The following PCDHA6 variants were observed in gnomAD, a reference collection of about 807,000 sequenced individuals.
PCDHA6 encodes protocadherin alpha-6.
Under a neutral mutation model 60.3 loss-of-function variants are expected in PCDHA6, and 55 were observed. The ratio of observed to expected loss-of-function variants is 0.91; its 90% CI spans 0.73 to 1.14. The LOEUF is 1.14. Ranked by LOEUF, PCDHA6 falls within the 50% of genes most tolerant of loss-of-function variation. PCDHA6 has a pLI of 0.00. For missense variants in PCDHA6, 1,327 were observed against 1,256.5 expected, an observed-to-expected ratio of 1.06 and a Z score of -0.85; for synonymous variants, 652 against 557.9, an observed-to-expected ratio of 1.17 and a Z score of -2.38.
rs1382100762 is a variant in PCDHA6 at position 140,828,610 on chromosome 5, T to G, written c.519T>G (p.Ser173Arg). The G allele has an allele frequency of 6.2e-7, 1 of 1,614,226 alleles. No homozygotes were observed. The highest frequency in any genetic ancestry group is 2.2e-5 in the East Asian group (1 of 44,888). Residue 173 changes from serine (S) to arginine (R), a missense_variant, in exon 1 of 4, where the codon AGT becomes AGG. Ser to Arg is a moderately radical substitution (Grantham distance 110, BLOSUM62 -1). Transcript: ENST00000529310. ...ATTCCATCTTAACCTATAAACTCAG[T>G]TCTAGCGAATACTTCGGGCTAGATG... Reference protein sequence around the residue: ...GSNSILTYKLSSSEYFGLDVK... With the variant: ...GSNSILTYKLRSSEYFGLDVK...
At chr5:140,866,070 T>C (rs1446078370) in intron 1 of PCDHA6, 1 of 152,178 alleles carries the variant, frequency 6.6e-6, no homozygotes, top group Non-Finnish European at 1.5e-5. Flanking sequence ...CACACTGAGA[T>C]AGGTATTTTG....
chr5:140,850,048 A>G (rs1554143688), intron 1 of PCDHA6: 1 of 1,596,376 alleles, frequency 6.3e-7, no homozygotes, highest in Admixed American at 1.7e-5. Flanking sequence ...GGCAAGGTGT[A>G]CGCGCTGCAG....
At position 140,849,698 on chromosome 5, in the gene PCDHA6, C is replaced by A. The variant is rs2150445577; in HGVS notation, c.2394+19213C>A. 5 of 1,598,548 alleles carry A rather than the reference C, an allele frequency of 3.1e-6. No individual in the cohort carries two copies. The East Asian group carries it at 1.1e-4, about 36-fold the overall frequency. ...TCCCCTTCAAGCTGGTGTCCACCTA[C>A]AAGAATTACTACTCGTTGGTGCTGG... On this transcript the variant is annotated intron_variant, in intron 1 of 3. Coordinates refer to ENST00000529310, the MANE Select transcript of PCDHA6 (RefSeq NM_018909.4).
chr5:140,929,461 C>A, intron 1 of PCDHA6: 1 of 1,314,566 alleles, frequency 7.6e-7, no homozygotes, highest in Non-Finnish European at 1.0e-6. Context: ...CTTCCTGTGC[C>A]AAGAAATCTG....
chr5:140,874,622 A>G (rs554375384), intron 1 of PCDHA6, among the ~76,000 whole-genome samples: 5 of 152,374 alleles, frequency 3.3e-5, no homozygotes, highest in Non-Finnish European at 7.3e-5. Flanking sequence ...TAAACATTTT[A>G]CATTAAAGTG....
intron 1 of PCDHA6, among the ~76,000 whole-genome samples, chr5:140,912,634 G>A (rs1435924500): frequency 6.6e-6 from 1 of 152,016 alleles, no homozygotes; most frequent in African/African-American, 2.4e-5. Context: ...GAGACTTTCA[G>A]TACTATGTTG....
intron 2 of PCDHA6, 165 bp downstream of exon 2, chr5:140,979,172 G>A (rs1406119348): frequency 2.1e-6 from 2 of 959,890 alleles, no homozygotes; most frequent in Admixed American, 1.2e-4. Context: ...TTGAAAGATC[G>A]CAAATGGTCA....
In PCDHA6 at chr5:140,830,429, C is replaced by T. The variant is rs2150186384; in HGVS notation, c.2338C>T (p.Pro780Ser). The T allele has an allele frequency of 6.2e-7, 1 of 1,613,784 alleles. No individual in the cohort carries two copies. Among genetic ancestry groups the T allele is most frequent in the African/African-American group, 1.3e-5 (1 of 75,032 alleles). ...MAFSPSLSPC[P>S]IMMGKAENQD... Reference sequence around the variant, plus strand: ...CTTTAGCCCCAGCCTTTCACCTTGTCCTATTATGATGGGTAAGGCGGAGAA... The same window carrying T: ...CTTTAGCCCCAGCCTTTCACCTTGTTCTATTATGATGGGTAAGGCGGAGAA... The change falls in exon 1 of 4, where the codon CCT (proline) becomes TCT (serine). Residue 780 changes from proline (P) to serine (S), a missense_variant. Physicochemically the swap from Pro to Ser is moderately conservative, Grantham distance 74 (BLOSUM62 -1). Transcript: ENST00000529310.
chr5:140,920,728 C>T (rs781955762), intron 1 of PCDHA6, among the ~76,000 whole-genome samples: 8 of 151,974 alleles, frequency 5.3e-5, no homozygotes, highest in Non-Finnish European at 1.0e-4. Context: ...CCTGCAGTCC[C>T]AGCTACTCAG....
chr5:140,929,325 G>A (rs782073530), intron 1 of PCDHA6: 4 of 1,538,392 alleles, frequency 2.6e-6, no homozygotes, highest in Non-Finnish European at 3.5e-6. Flanking sequence ...TCAATGCCAT[G>A]GTAAGCAAAT....
At chr5:140,982,240 A>G (rs1257297614) in intron 2 of PCDHA6, 14 of 694,558 alleles carry the variant, frequency 2.0e-5, no homozygotes, top group Admixed American at 3.6e-5. Flanking sequence ...CAGAATTGCC[A>G]TAAAGATAGA....
chr5:140,845,806 G>A lies in PCDHA6; in HGVS notation c.2394+15321G>A, dbSNP rs181852122. ...AATAATAAACTCTGGCAAGTGATAGGTACATAATAAAATTTAGTTATTACC... is the reference window on the plus strand; with the variant it reads ...AATAATAAACTCTGGCAAGTGATAGATACATAATAAAATTTAGTTATTACC... On this transcript the variant is annotated intron_variant, in intron 1 of 3. Transcript: ENST00000529310. 4.5e-3 allele frequency among the ~76,000 whole-genome samples: 673 copies of A among 149,580 alleles called. 58 individuals carry two copies. The highest frequency in any genetic ancestry group is 6.8e-3 in the Middle Eastern group (2 of 292).
At chr5:140,838,077 AGTGTGTGTG>A (rs1443750865) in intron 1 of PCDHA6, among the ~76,000 whole-genome samples, 47 of 80,696 alleles carry the variant, frequency 5.8e-4, no homozygotes, top group South Asian at 1.3e-3. Flanking sequence ...ATATATATAT[AGTGTGTGTG>A]TGTGTGTGTG....
intron 1 of PCDHA6, among the ~76,000 whole-genome samples, chr5:140,903,237 T>G (rs1191816509): frequency 1.3e-5 from 2 of 152,194 alleles, no homozygotes; most frequent in Non-Finnish European, 2.9e-5. Flanking sequence ...ACTTTTTGAT[T>G]TTTAAATTAT....
At chr5:140,898,400 C>T (rs1374307667) in intron 1 of PCDHA6, among the ~76,000 whole-genome samples, 1 of 152,178 alleles carries the variant, frequency 6.6e-6, no homozygotes, top group Non-Finnish European at 1.5e-5. Flanking sequence ...TTTCAGCTTT[C>T]TACATACGGC....
chr5:140,969,399 AT>A, intron 1 of PCDHA6: 1 of 1,580,514 alleles, frequency 6.3e-7, no homozygotes, highest in Non-Finnish European at 8.6e-7. Context: ...ATATCCTGTG[AT>A]TTGGCTTTAT....
intron 1 of PCDHA6, chr5:140,851,050 G>T: frequency 7.2e-7 from 1 of 1,384,398 alleles, no homozygotes; most frequent in African/African-American, 1.5e-5. Context: ...AGCCGACTTT[G>T]TCTTGACTTC....
intron 1 of PCDHA6, chr5:140,857,847 CTG>C: frequency 6.3e-7 from 1 of 1,597,872 alleles, no homozygotes; most frequent in Non-Finnish European, 8.6e-7. Flanking sequence ...GACGCTGACT[CTG>C]GATACAACGC....
chr5:140,865,916 T>C (rs1446855400), intron 1 of PCDHA6: 1 of 152,190 alleles, frequency 6.6e-6, no homozygotes, highest in Non-Finnish European at 1.5e-5. Context: ...TTTCTTTCTG[T>C]TGTGCTTAGA....
Sources: allele counts gnomAD v4.1 joint callset (sites outside exome capture counted in the v4.1 genomes callset), GRCh38; gene constraint gnomAD v4.1.1; transcripts MANE v1.5; gene names NCBI Gene and HGNC (gene_info 2026-07-23, HGNC 2026-07-21).